Variants in TMEM74 observed in about 807,000 individuals in gnomAD.
The protein encoded by TMEM74 is transmembrane protein 74.
A neutral mutation model predicts 18.1 loss-of-function variants in TMEM74; 13 were observed. The ratio of observed to expected loss-of-function variants is 0.72; its 90% CI spans 0.47 to 1.14. The LOEUF (loss-of-function observed/expected upper bound fraction) is 1.14, where lower values mean the gene tolerates loss of function less well. TMEM74 is among the 50% of genes most tolerant of loss of function. TMEM74 has a pLI of 0.00. For missense variants in TMEM74, 372 were observed against 375.9 expected (o/e 0.99, Z 0.09); for synonymous variants, 159 against 146.6 (o/e 1.08, Z -0.61).
intron 1 of TMEM74, among the ~76,000 whole-genome samples, chr8:108,696,327 T>G (rs1278214395): frequency 1.3e-5 from 2 of 152,200 alleles, no homozygotes; most frequent in Non-Finnish European, 2.9e-5. Context: ...ATATTGCAAA[T>G]GAAAAATCTG....
At chr8:108,687,446 G>A (rs1487419658) in intron 1 of TMEM74, among the ~76,000 whole-genome samples, 6 of 152,086 alleles carry the variant, frequency 3.9e-5, no homozygotes, top group South Asian at 4.1e-4. Context: ...TACCAGTTTT[G>A]TGGAAGGCAA....
intron 1 of TMEM74, among the ~76,000 whole-genome samples, chr8:108,692,299 G>C (rs113434834): frequency 0.029 from 4,463 of 152,214 alleles, 122 homozygotes; most frequent in African/African-American, 0.066. Context: ...ATATTTTTCA[G>C]TCCTCAACAT....
intron 2 of TMEM74, among the ~76,000 whole-genome samples, chr8:108,628,360 C>A (rs1251776989): frequency 6.6e-6 from 1 of 152,040 alleles, no homozygotes; most frequent in African/African-American, 2.4e-5. Flanking sequence ...AAACTCAGTT[C>A]TCTGCAGACA....
intron 1 of TMEM74, among the ~76,000 whole-genome samples, chr8:108,657,701 C>T (rs4735072): frequency 0.12 from 17,649 of 149,940 alleles, 1,552 homozygotes; most frequent in East Asian, 0.42. Context: ...AAATTAGCTG[C>T]GCATGTTGAT....
downstream of TMEM74, among the ~76,000 whole-genome samples, chr8:108,774,549 G>A (rs1031806830): frequency 6.6e-6 from 1 of 152,072 alleles, no homozygotes; most frequent in Non-Finnish European, 1.5e-5. Context: ...AAGGCATGTT[G>A]GTTTCTTAAC....
intron 1 of TMEM74, among the ~76,000 whole-genome samples, chr8:108,688,492 T>C (rs1396634273): frequency 6.6e-6 from 1 of 152,144 alleles, no homozygotes; most frequent in African/African-American, 2.4e-5. Flanking sequence ...ATCACAATAT[T>C]GGTATCCCTC....
chr8:108,652,515 C>G, intron 2 of TMEM74: 1 of 441,930 alleles, frequency 2.3e-6, no homozygotes, highest in East Asian at 4.3e-5. Context: ...AGACCCTGAC[C>G]ACCAGAGTGC....
intron 2 of TMEM74, among the ~76,000 whole-genome samples, chr8:108,649,423 A>C (rs1812751050): frequency 6.6e-6 from 1 of 152,140 alleles, no homozygotes; most frequent in Non-Finnish European, 1.5e-5. Context: ...GAGAAGTAAC[A>C]ATAACTCTTA....
At chr8:108,740,025 A>G (rs770232229) in intron 1 of TMEM74, among the ~76,000 whole-genome samples, 6 of 152,152 alleles carry the variant, frequency 3.9e-5, no homozygotes, top group African/African-American at 1.2e-4. Flanking sequence ...TCAAAAGGGC[A>G]GGTGCATGAT....
chr8:108,731,210 C>A (rs1408213895), intron 1 of TMEM74, among the ~76,000 whole-genome samples: 1 of 151,516 alleles, frequency 6.6e-6, no homozygotes, highest in East Asian at 1.9e-4. Flanking sequence ...TATTTCATGT[C>A]GTTATCCACC....
intron 1 of TMEM74, among the ~76,000 whole-genome samples, chr8:108,731,465 G>A (rs1179055199): frequency 6.6e-6 from 1 of 152,114 alleles, no homozygotes; most frequent in Non-Finnish European, 1.5e-5. Flanking sequence ...GCCTGCCAAA[G>A]CATTTAATGC....
At chr8:108,706,769 T>TACAAGGGG (rs1217950365) in intron 1 of TMEM74, among the ~76,000 whole-genome samples, 2 of 108,018 alleles carry the variant, frequency 1.9e-5, no homozygotes, top group Non-Finnish European at 3.9e-5. Flanking sequence ...CTTCTAGAAT[T>TACAAGGGG]ACAAGGGGTG....
chr8:108,658,555 G>A (rs1812868955), intron 1 of TMEM74, among the ~76,000 whole-genome samples: 1 of 152,138 alleles, frequency 6.6e-6, no homozygotes, highest in African/African-American at 2.4e-5. Flanking sequence ...AAAGAGGAAA[G>A]CCAAAATATC....
At chr8:108,659,685 T>C (rs1812880911) in intron 1 of TMEM74, among the ~76,000 whole-genome samples, 1 of 152,184 alleles carries the variant, frequency 6.6e-6, no homozygotes, top group Non-Finnish European at 1.5e-5. Flanking sequence ...ATGTCCAAGA[T>C]AGAACTCTAT....
At chr8:108,643,060 T>C (rs888464779) in intron 2 of TMEM74, among the ~76,000 whole-genome samples, 5 of 152,192 alleles carry the variant, frequency 3.3e-5, no homozygotes, top group African/African-American at 1.2e-4. Context: ...AAGACTGGCA[T>C]GGCTCCTGCT....
At chr8:108,729,191 T>C (rs1813670421) in intron 1 of TMEM74, among the ~76,000 whole-genome samples, 1 of 152,214 alleles carries the variant, frequency 6.6e-6, no homozygotes. Flanking sequence ...ATTGGCTTAA[T>C]TCAGTTCCTT....
In TMEM74 at chr8:108,781,181, A is replaced by T. The variant is rs1449901388; in HGVS notation, c.*3000T>A. On this transcript the variant is annotated 3_prime_UTR_variant, in exon 2 of 2. Transcript: ENST00000297459. ...AAGCTAAAGACCTAGAACCACTGAA[A>T]TATGTTTTTCTTCTCTAGGACTAGC... 6.6e-6 allele frequency among the ~76,000 whole-genome samples: 1 copy of T among 152,168 alleles called. No individual in the cohort carries two copies. The highest frequency in any genetic ancestry group is 1.5e-5 in the Non-Finnish European group (1 of 68,026).
intron 1 of TMEM74, among the ~76,000 whole-genome samples, chr8:108,711,575 C>T (rs1813475830): frequency 6.6e-6 from 1 of 152,142 alleles, no homozygotes; most frequent in South Asian, 2.1e-4. Context: ...TTAAATGTGA[C>T]CTTGTGAAGG....
intron 3 of TMEM74, chr8:108,607,778 C>A (rs1453266144): frequency 6.6e-6 from 1 of 152,122 alleles, no homozygotes; most frequent in Non-Finnish European, 1.5e-5. Context: ...GTAAAACAAG[C>A]AAGAAAATGG....
Sources: gnomAD v4.1 joint callset for allele counts (sites outside exome capture counted in the v4.1 genomes callset) on GRCh38, gnomAD v4.1.1 for gene constraint, MANE v1.5 for transcripts, NCBI Gene and HGNC (gene_info 2026-07-23, HGNC 2026-07-21) for gene names.